Variants in KAZN observed in about 807,000 individuals in gnomAD.
KAZN encodes the protein kazrin.
Under a neutral mutation model 87.4 loss-of-function variants are expected in KAZN, and 40 were observed. That is an observed-to-expected ratio of 0.46 (90% confidence interval 0.36 to 0.60). The LOEUF is 0.60. Among genes scored for constraint, KAZN ranks in the 20% least tolerant of loss-of-function variants. The pLI is 0.00. For synonymous variants in KAZN, 466 were observed against 458.3 expected (o/e 1.02, Z -0.22); for missense variants, 898 against 1,073.9 (o/e 0.84, Z 2.29).
intron 13 of KAZN, among the ~76,000 whole-genome samples, chr1:15,105,161 G>A (rs494983): frequency 6.6e-6 from 1 of 152,014 alleles, no homozygotes; most frequent in Non-Finnish European, 1.5e-5. Context: ...TGGTATCAGG[G>A]TAATATAGCC....
chr1:14,648,374 A>G (rs1351159274), intron 1 of KAZN, among the ~76,000 whole-genome samples: 1 of 152,242 alleles, frequency 6.6e-6, no homozygotes, highest in Non-Finnish European at 1.5e-5. Flanking sequence ...TTGGAAACTA[A>G]ATGAGAAACA....
At chr1:14,833,839 G>T (rs1647126444) in intron 1 of KAZN, among the ~76,000 whole-genome samples, 1 of 152,014 alleles carries the variant, frequency 6.6e-6, no homozygotes, top group East Asian at 1.9e-4. Context: ...GCAGGTGGTG[G>T]CCGCCTCGTT....
chr1:14,799,966 T>G (rs983743621), intron 1 of KAZN, among the ~76,000 whole-genome samples: 2 of 152,240 alleles, frequency 1.3e-5, no homozygotes, highest in South Asian at 4.1e-4. Flanking sequence ...TATAAGTATC[T>G]GACATGTTTC....
At chr1:14,369,316 C>A (rs554179615) in intron 2 of KAZN, among the ~76,000 whole-genome samples, 208 of 152,286 alleles carry the variant, frequency 1.4e-3, no homozygotes, top group African/African-American at 4.7e-3. Flanking sequence ...AATGCCAGGT[C>A]ATTAACTTTA....
At chr1:14,063,855 C>T (rs1489670941) in intron 1 of KAZN, among the ~76,000 whole-genome samples, 1 of 152,180 alleles carries the variant, frequency 6.6e-6, no homozygotes, top group Non-Finnish European at 1.5e-5. Context: ...GGCTCTCTTG[C>T]CTGCCATCAT....
chr1:14,409,918 A>C (rs2101184581), intron 2 of KAZN, among the ~76,000 whole-genome samples: 1 of 152,320 alleles, frequency 6.6e-6, no homozygotes, highest in South Asian at 2.1e-4. Context: ...TAAATAATCA[A>C]ATTTCTAGAT....
At chr1:14,977,863 A>C (rs998794217) in intron 2 of KAZN, among the ~76,000 whole-genome samples, 7 of 137,378 alleles carry the variant, frequency 5.1e-5, no homozygotes, top group Admixed American at 3.0e-4. Context: ...TAAGCCTTGC[A>C]CCTGCTGTGG....
chr1:14,251,761 GCC>G (rs1650064342), intron 2 of KAZN, among the ~76,000 whole-genome samples: 1 of 147,326 alleles, frequency 6.8e-6, no homozygotes, highest in Non-Finnish European at 1.5e-5. Context: ...CAATCCTCCT[GCC>G]TCAGCTTCCT....
intron 1 of KAZN, among the ~76,000 whole-genome samples, chr1:13,981,433 A>G (rs1176522893): frequency 1.3e-5 from 2 of 149,882 alleles, no homozygotes; most frequent in Non-Finnish European, 3.0e-5. Flanking sequence ...CATTTTAGCT[A>G]TTGGTCAAAG....
chr1:14,977,117 A>G (rs532486532), intron 2 of KAZN, among the ~76,000 whole-genome samples: 16 of 152,350 alleles, frequency 1.1e-4, no homozygotes, highest in African/African-American at 3.8e-4. Context: ...TAGGACTGAA[A>G]AGGCCATGGA....
At chr1:15,050,159 G>GGAATA (rs1553180847) in intron 4 of KAZN, among the ~76,000 whole-genome samples, 20,167 of 130,568 alleles carry the variant, frequency 0.15, 1,908 homozygotes, top group Admixed American at 0.18. Flanking sequence ...AGAATAGAAT[G>GGAATA]GAATAGAATA....
chr1:14,054,409 C>G (rs76685093), intron 1 of KAZN, among the ~76,000 whole-genome samples: 8,088 of 152,238 alleles, frequency 0.053, 587 homozygotes, highest in African/African-American at 0.16. Flanking sequence ...CTGTAGGCCA[C>G]TTTGGCATTT....
chr1:14,378,516 T>C (rs1276680285), intron 2 of KAZN, among the ~76,000 whole-genome samples: 1 of 152,186 alleles, frequency 6.6e-6, no homozygotes, highest in Non-Finnish European at 1.5e-5. Flanking sequence ...CTGTCGACAT[T>C]ACCCCCTTTC....
chr1:14,224,220 A>T (rs893264152), intron 2 of KAZN, among the ~76,000 whole-genome samples: 34 of 152,136 alleles, frequency 2.2e-4, no homozygotes, highest in African/African-American at 7.7e-4. Flanking sequence ...CTCAGATTTC[A>T]TAAAGGCCAA....
chr1:14,927,705 T>C (rs1659319609), intron 1 of KAZN, among the ~76,000 whole-genome samples: 1 of 152,184 alleles, frequency 6.6e-6, no homozygotes. Context: ...TTTGCTCCAT[T>C]TGGCATTTCT....
intron 10 of KAZN, among the ~76,000 whole-genome samples, chr1:15,100,586 TCA>T (rs1641016337): frequency 1.3e-5 from 2 of 152,206 alleles, no homozygotes; most frequent in Non-Finnish European, 2.9e-5. Flanking sequence ...CCAGGCACAG[TCA>T]CACATTCACC....
intron 1 of KAZN, among the ~76,000 whole-genome samples, chr1:14,782,819 G>A (rs953017670): frequency 6.6e-6 from 1 of 152,096 alleles, no homozygotes; most frequent in Non-Finnish European, 1.5e-5. Context: ...TCCCAGGGTA[G>A]AGGCATCCCC....
At chr1:14,744,952 C>T (rs1033325310) in intron 1 of KAZN, among the ~76,000 whole-genome samples, 3 of 152,100 alleles carry the variant, frequency 2.0e-5, no homozygotes, top group African/African-American at 7.2e-5. Context: ...AGCAGTGATC[C>T]TGCAGCTGAC....
rs138252171 is a variant in KAZN at position 14,382,110 on chromosome 1, A to G, written c.249+201518A>G. The stretch of plus-strand genomic sequence containing the variant: ...CAAATAAAATACCTAGGAATTAACT[A>G]AAGGGAAAAATCTCTACAATGAAAA... On this transcript the variant is annotated intron_variant, in intron 2 of 16. Coordinates refer to the KAZN transcript ENST00000636203. 7.8e-3 allele frequency among the ~76,000 whole-genome samples: 1,188 copies of G among 152,228 alleles called. 12 individuals carry two copies. The highest frequency in any genetic ancestry group is 0.037 in the Middle Eastern group (11 of 294).
Sources: allele counts gnomAD v4.1 joint callset (sites outside exome capture counted in the v4.1 genomes callset), GRCh38; gene constraint gnomAD v4.1.1; transcripts MANE v1.5; gene names NCBI Gene and HGNC (gene_info 2026-07-23, HGNC 2026-07-21).